CBR4: variants seen among roughly 807,000 people sequenced by gnomAD.
CBR4 encodes the protein carbonyl reductase 4.
In CBR4, 22 loss-of-function variants were observed where a neutral mutation model predicts 21.0. That is an observed-to-expected ratio of 1.05 (90% CI 0.75 to 1.50). CBR4 has a LOEUF of 1.50. Ranked by LOEUF, CBR4 falls within the 40% of genes most tolerant of loss-of-function variation. The pLI, the probability that CBR4 is intolerant of heterozygous loss-of-function variation, is 0.00. For synonymous variants in CBR4, 100 were observed against 104.4 expected, an observed-to-expected ratio of 0.96 and a Z score of 0.26; for missense variants, 302 against 286.3, an observed-to-expected ratio of 1.05 and a Z score of -0.40.
chr4:168,904,917 C>T (rs28709545), intron 2 of CBR4, among the ~76,000 whole-genome samples: 1,726 of 151,886 alleles, frequency 0.011, 49 homozygotes, highest in African/African-American at 0.039. Flanking sequence ...GCCTCAGCCC[C>T]GGAGTTTGAG....
chr4:168,963,767 C>G (rs2126734111), intron 2 of CBR4, among the ~76,000 whole-genome samples: 1 of 152,114 alleles, frequency 6.6e-6, no homozygotes, highest in African/African-American at 2.4e-5. Context: ...GCCCAACCTC[C>G]TGTATAAACT....
At chr4:168,975,555 C>A (rs1031433546) in intron 2 of CBR4, among the ~76,000 whole-genome samples, 4 of 152,104 alleles carry the variant, frequency 2.6e-5, no homozygotes, top group African/African-American at 9.7e-5. Flanking sequence ...CAAGAGCTTG[C>A]CAGCTGCAGT....
At chr4:168,934,142 C>G (rs545963357) in intron 2 of CBR4, among the ~76,000 whole-genome samples, 1 of 151,748 alleles carries the variant, frequency 6.6e-6, no homozygotes, top group Non-Finnish European at 1.5e-5. Context: ...ATAGCCCCAG[C>G]CACTCAGAAG....
At chr4:168,918,820 TACAG>T (rs1355445443) in intron 2 of CBR4, among the ~76,000 whole-genome samples, 1 of 152,194 alleles carries the variant, frequency 6.6e-6, no homozygotes, top group Non-Finnish European at 1.5e-5. Flanking sequence ...AAAAAATTCA[TACAG>T]ACCACTTGTA....
At chr4:168,894,749 T>A in exon 3 of CBR4, 1 of 1,565,256 alleles carries the variant, frequency 6.4e-7, no homozygotes, top group South Asian at 1.2e-5. Flanking sequence ...TTATGGATAC[T>A]GTTCTTGGGA....
intron 2 of CBR4, among the ~76,000 whole-genome samples, chr4:168,961,441 A>G (rs1320727622): frequency 3.3e-5 from 5 of 152,242 alleles, no homozygotes; most frequent in Admixed American, 1.3e-4. Context: ...AATCTAAAAC[A>G]TTCACGGACA....
At position 169,009,442 on chromosome 4, in the gene CBR4, T is replaced by C. The variant is rs186213056; in HGVS notation, c.142+506A>G. 4.8e-3 allele frequency among the ~76,000 whole-genome samples: 737 copies of C among 152,358 alleles called. 7 individuals are homozygous for C. The highest frequency in any genetic ancestry group is 5.4e-3 in the Admixed American group (83 of 15,302). ...TCAAAAGGGTTTCTCTATCAAACAC[T>C]GCTTTGTGCATTCGCGCAGGGCCAA... is the stretch of plus-strand genomic sequence containing the variant. On this transcript the variant is annotated intron_variant, in intron 1 of 4. Coordinates refer to ENST00000306193, the MANE Select transcript of CBR4 (RefSeq NM_032783.5).
At chr4:168,922,552 A>G (rs527771039) in intron 2 of CBR4, among the ~76,000 whole-genome samples, 1 of 152,346 alleles carries the variant, frequency 6.6e-6, no homozygotes, top group South Asian at 2.1e-4. Context: ...TAAACACACT[A>G]CGTCACTGAG....
intron 2 of CBR4, among the ~76,000 whole-genome samples, chr4:168,934,273 C>CAAAAAAAAAAAA (rs1206272373): frequency 9.4e-5 from 1 of 10,660 alleles, no homozygotes; most frequent in Non-Finnish European, 2.0e-4. Flanking sequence ...ACTAGAAAAG[C>CAAAAAAAAAAAA]AAAAAAAACA....
chr4:168,905,151 T>TTG (rs1560895120), intron 2 of CBR4, among the ~76,000 whole-genome samples: 1 of 133,154 alleles, frequency 7.5e-6, no homozygotes. Flanking sequence ...TTTTTTTTTT[T>TTG]TTTTTTTTTT....
chr4:168,971,651 G>GT (rs1417195480), intron 2 of CBR4, among the ~76,000 whole-genome samples: 1 of 151,824 alleles, frequency 6.6e-6, no homozygotes, highest in Non-Finnish European at 1.5e-5. Context: ...AGGATTATTT[G>GT]TTTTTTTCTT....
chr4:168,986,595 T>C (rs1356870171), downstream of CBR4, among the ~76,000 whole-genome samples: 1 of 152,152 alleles, frequency 6.6e-6, no homozygotes, highest in Non-Finnish European at 1.5e-5. Flanking sequence ...CAGTGTTACA[T>C]ATGTAGTATG....
intron 2 of CBR4, among the ~76,000 whole-genome samples, chr4:168,970,480 AT>A (rs1200167703): frequency 2.6e-5 from 4 of 151,830 alleles, no homozygotes; most frequent in Non-Finnish European, 4.4e-5. Context: ...TGAATAGACT[AT>A]TTTTTTCAAA....
intron 2 of CBR4, among the ~76,000 whole-genome samples, chr4:168,973,332 G>T (rs889199045): frequency 6.6e-6 from 1 of 152,256 alleles, no homozygotes; most frequent in East Asian, 1.9e-4. Flanking sequence ...TTTTGGAATA[G>T]TTTCAGTAGG....
At chr4:169,003,437 A>G (rs1192925543) in intron 3 of CBR4, among the ~76,000 whole-genome samples, 1 of 152,194 alleles carries the variant, frequency 6.6e-6, no homozygotes, top group East Asian at 1.9e-4. Flanking sequence ...TGTATGGATA[A>G]ACAAAGTTGT....
At chr4:168,903,946 G>C (rs773008792) in intron 2 of CBR4, 4 of 1,560,570 alleles carry the variant, frequency 2.6e-6, no homozygotes, top group Non-Finnish European at 3.5e-6. Context: ...TCTGTGTCTA[G>C]TGCTTACAGG....
chr4:168,923,181 A>G (rs1761923976), intron 2 of CBR4, among the ~76,000 whole-genome samples: 1 of 152,258 alleles, frequency 6.6e-6, no homozygotes. Flanking sequence ...GGAGCCCCAG[A>G]AAGAATACAA....
At chr4:168,898,420 T>TG (rs1193245149) in intron 2 of CBR4, 4 of 931,374 alleles carry the variant, frequency 4.3e-6, no homozygotes, top group Non-Finnish European at 7.1e-6. Context: ...AGGGCCTTAT[T>TG]GGGGGGCAGG....
chr4:168,953,325 T>C, intron 2 of CBR4, among the ~76,000 whole-genome samples: 1 of 152,212 alleles, frequency 6.6e-6, no homozygotes, highest in East Asian at 1.9e-4. Context: ...AGCAGGGTTG[T>C]GTCCTCAGTA....
Sources: allele counts gnomAD v4.1 joint callset (sites outside exome capture counted in the v4.1 genomes callset), GRCh38; gene constraint gnomAD v4.1.1; transcripts MANE v1.5; gene names NCBI Gene and HGNC (gene_info 2026-07-23, HGNC 2026-07-21).